ALDH1L2: variants seen among roughly 807,000 people sequenced by gnomAD.
ALDH1L2 encodes mitochondrial 10-formyltetrahydrofolate dehydrogenase.
Under a neutral mutation model 111.0 loss-of-function variants are expected in ALDH1L2, and 91 were observed. That is an observed-to-expected ratio of 0.82 (90% CI 0.69 to 0.98). The LOEUF is 0.98. ALDH1L2 is among the 50% of genes least tolerant of loss of function. The pLI is 0.00. For missense variants in ALDH1L2, 995 were observed against 1,126.8 expected, an observed-to-expected ratio of 0.88 and a Z score of 1.67; for synonymous variants, 374 against 392.6, an observed-to-expected ratio of 0.95 and a Z score of 0.56.
intron 1 of ALDH1L2, among the ~76,000 whole-genome samples, chr12:105,076,800 T>C (rs1386971467): frequency 6.6e-6 from 1 of 152,214 alleles, no homozygotes; most frequent in Admixed American, 6.5e-5. Flanking sequence ...ATTGGAAATA[T>C]ACCATGAGCC....
At chr12:105,078,781 C>A (rs1878197606) in intron 1 of ALDH1L2, among the ~76,000 whole-genome samples, 1 of 152,180 alleles carries the variant, frequency 6.6e-6, no homozygotes, top group Admixed American at 6.5e-5. Context: ...AAGCCTTCTC[C>A]AGAAGGGAGT....
rs75502868 is a variant in ALDH1L2, at chr12:105,080,887, G to A, written c.48+3502C>T. ...ATGAGGATTAAAGGAGTACACAGTC[G>A]CCCTCTGTATTTGTGGGTTCTGTAT... On this transcript the variant is annotated intron_variant, in intron 1 of 22. Coordinates refer to ENST00000258494, the MANE Select transcript of ALDH1L2 (RefSeq NM_001034173.4). Among the ~76,000 whole-genome samples the A allele has an allele frequency of 4.7e-3, 717 of 152,226 alleles. 21 individuals are homozygous for A. The East Asian group carries it at 0.081, about 17-fold the overall frequency.
chr12:105,055,043 G>C (rs577260330), intron 10 of ALDH1L2, among the ~76,000 whole-genome samples: 3 of 152,312 alleles, frequency 2.0e-5, no homozygotes, highest in Admixed American at 1.3e-4. Context: ...GAAAAGCTCT[G>C]ACATATTCCT....
intron 17 of ALDH1L2, 52 bp from the exon 18 acceptor site, chr12:105,038,254 TC>T (rs1305562615): frequency 3.8e-6 from 3 of 779,562 alleles, no homozygotes; most frequent in East Asian, 2.9e-5. Context: ...TCTCTCTCTC[TC>T]TCTCTCACAC....
chr12:105,047,007 T>C, intron 13 of ALDH1L2, 38 bp from the exon 14 acceptor site: 1 of 1,591,436 alleles, frequency 6.3e-7, no homozygotes, highest in Non-Finnish European at 8.6e-7. Flanking sequence ...TTTTACTAAT[T>C]TAAATAAGTA....
Position 105,030,344 on chromosome 12 carries a change from G to A in ALDH1L2, c.2496C>T (p.Val832=), listed in dbSNP as rs1242906461. ...AKEESFGPIM[V]ISKFQNGDID... ...CCTACCCATTTTGGAATTTAGAAAT[G>A]ACCATAATAGGCCCAAAGGATTCCT... The change falls in exon 21 of 23, where the codon GTC becomes GTT. Residue 832 remains valine, a synonymous_variant. Coordinates refer to ENST00000258494, the MANE Select transcript of ALDH1L2 (RefSeq NM_001034173.4). 1 of 1,611,758 alleles carries A rather than the reference G, an allele frequency of 6.2e-7. No homozygotes were observed. Among genetic ancestry groups the A allele is most frequent in the Non-Finnish European group, 8.5e-7 (1 of 1,178,880 alleles).
chr12:105,028,931 C>T (rs1874558319), intron 21 of ALDH1L2, among the ~76,000 whole-genome samples: 1 of 151,900 alleles, frequency 6.6e-6, no homozygotes. Flanking sequence ...AGACATAAAA[C>T]TTCATTAAAT....
rs142554052 is a variant in ALDH1L2 at position 105,073,930 on chromosome 12, G to A, written c.124C>T (p.Arg42Cys). 3.3e-4 allele frequency: 529 copies of A among 1,614,082 alleles called. 3 individuals are homozygous for A. Among genetic ancestry groups the A allele is most frequent in the East Asian group, 2.4e-3 (108 of 44,864 alleles). Residue 42 changes from arginine (R) to cysteine (C), a missense_variant, in exon 2 of 23, where the codon CGC becomes TGC. By Grantham distance (180) the Arg-to-Cys change is radical. Coordinates refer to ENST00000258494, the MANE Select transcript of ALDH1L2 (RefSeq NM_001034173.4). The part of the protein sequence containing the change: ...LFGQEVYSHL[R>C]KEGHRVVGVF... ...CCTACTACTCGGTGGCCCTCTTTGC[G>A]GAGGTGGCTATAGACTTCTTGTCCA... is the stretch of plus-strand genomic sequence containing the variant.
chr12:105,074,062 G>A (rs1877889194), intron 1 of ALDH1L2, 57 bp from the exon 2 acceptor site: 1 of 1,602,298 alleles, frequency 6.2e-7, no homozygotes, highest in East Asian at 2.2e-5. Flanking sequence ...CTGGATGAGG[G>A]TGAGGGTTAA....
At chr12:105,081,947 A>G (rs563843955) in intron 1 of ALDH1L2, among the ~76,000 whole-genome samples, 1 of 152,322 alleles carries the variant, frequency 6.6e-6, no homozygotes, top group Non-Finnish European at 1.5e-5. Flanking sequence ...TAATCCCAAC[A>G]CTTTAGGAGG....
chr12:105,052,220 A>T lies in ALDH1L2; in HGVS notation c.1408-3T>A. The T allele has an allele frequency of 6.3e-7, 1 of 1,592,250 alleles. No homozygotes were observed. The highest frequency in any genetic ancestry group is 1.2e-5 in the South Asian group (1 of 86,372). On this transcript the variant is annotated splice_region_variant and splice_polypyrimidine_tract_variant and intron_variant, in intron 11 of 22. Transcript: ENST00000258494. ...GCGTAGGATACTTTGCATATTGTCT[A>T]TTTCAAGGTAAGTAAAAATAGGCCC...
At chr12:105,054,333 A>C (rs1423401425) in intron 10 of ALDH1L2, among the ~76,000 whole-genome samples, 1 of 152,244 alleles carries the variant, frequency 6.6e-6, no homozygotes, top group Non-Finnish European at 1.5e-5. Flanking sequence ...CCACTCCTTC[A>C]TAAAAGCAAT....
At chr12:105,035,420 C>A (rs1487829245) in intron 18 of ALDH1L2, among the ~76,000 whole-genome samples, 1 of 151,906 alleles carries the variant, frequency 6.6e-6, no homozygotes, top group African/African-American at 2.4e-5. Flanking sequence ...ACTTCCTGGG[C>A]TGAAGTGATC....
At position 105,048,985 on chromosome 12, in the gene ALDH1L2, G is replaced by A. The variant is rs566252034; in HGVS notation, c.1686+923C>T. Among the ~76,000 whole-genome samples, 6 of 152,210 alleles carry A rather than the reference G, an allele frequency of 3.9e-5. No homozygotes were observed. The South Asian group carries it at 1.2e-3, about 32-fold the overall frequency. On this transcript the variant is annotated intron_variant, in intron 13 of 22. Coordinates refer to ENST00000258494, the MANE Select transcript of ALDH1L2 (RefSeq NM_001034173.4). ...GGCGAGGTTGTAGTGAGCTGAGATGGCGCCACTGCACTCCAGCCTGGGCGA... is the reference window on the plus strand; with the variant it reads ...GGCGAGGTTGTAGTGAGCTGAGATGACGCCACTGCACTCCAGCCTGGGCGA...
intron 18 of ALDH1L2, among the ~76,000 whole-genome samples, chr12:105,035,868 T>TAC (rs369417499): frequency 3.1e-5 from 3 of 96,280 alleles, no homozygotes; most frequent in Non-Finnish European, 5.8e-5. Context: ...TGTGTGTGTA[T>TAC]ACACACACAC....
chr12:105,065,292 C>T lies in ALDH1L2; in HGVS notation c.761G>A (p.Gly254Glu). ...NWIRGHDKVP[G>E]AWTEINGQMV... ...CTGTCCATTTATCTCTGTCCAAGCT[C>T]CAGGGACTTTATCATGACCTCGAAT... Residue 254 changes from glycine (G) to glutamate (E), a missense_variant, in exon 6 of 23, where the codon GGA becomes GAA. Coordinates refer to ENST00000258494, the MANE Select transcript of ALDH1L2 (RefSeq NM_001034173.4). 2 of 1,610,262 alleles carry T rather than the reference C, an allele frequency of 1.2e-6. No individual in the cohort carries two copies. The highest frequency in any genetic ancestry group is 1.7e-6 in the Non-Finnish European group (2 of 1,177,358).
chr12:105,081,747 AG>A (rs1878345410), intron 1 of ALDH1L2, among the ~76,000 whole-genome samples: 1 of 152,252 alleles, frequency 6.6e-6, no homozygotes. Context: ...TATTTAAGAC[AG>A]AGGATGGAGA....
chr12:105,046,149 TTCTCTCTC>T lies in ALDH1L2; in HGVS notation c.1863+553_1863+560del, dbSNP rs541003101. ...ATGCTTTTCCCTCATCTTCTACATCTTCTCTCTCTCTCTCTCTCTCTCTCTCTCTCTCT... is the reference window on the plus strand; with the variant it reads ...ATGCTTTTCCCTCATCTTCTACATCTTCTCTCTCTCTCTCTCTCTCTCTCT... On this transcript the variant is annotated intron_variant, in intron 15 of 22. Transcript: ENST00000258494. 5.2e-3 allele frequency among the ~76,000 whole-genome samples: 186 copies of T among 35,946 alleles called. 3 individuals are homozygous for T. The highest frequency in any genetic ancestry group is 0.015 in the African/African-American group (120 of 8,044). The allele number at this position is 35,946 out of a possible 152,430, so 23.6% of individuals were successfully genotyped here. A position where few individuals can be genotyped will look rare whatever the true frequency, so the allele number is the denominator to read the frequency against.
Position 105,021,100 on chromosome 12 carries a change from T to G in ALDH1L2, c.*3324A>C, listed in dbSNP as rs1048327198. On this transcript the variant is annotated 3_prime_UTR_variant, in exon 23 of 23. Transcript: ENST00000258494. ...ATGGTGGAACAGAATGAGAGGGAAA[T>G]TGACAGGAGATGAGGTCAGAGGTAG... 1 of 152,216 alleles carries G rather than the reference T, an allele frequency of 6.6e-6. No homozygotes were observed. The highest frequency in any genetic ancestry group is 2.4e-5 in the African/African-American group (1 of 41,390). 9.4% of individuals were successfully genotyped at this position (152,216 alleles called of 1,614,324 possible). A position where few individuals can be genotyped will look rare whatever the true frequency, so the allele number is the denominator to read the frequency against.
Sources: allele counts gnomAD v4.1 joint callset (sites outside exome capture counted in the v4.1 genomes callset), GRCh38; gene constraint gnomAD v4.1.1; transcripts MANE v1.5; gene names NCBI Gene and HGNC (gene_info 2026-07-23, HGNC 2026-07-21).